The following THADA variants were observed in gnomAD, a reference collection of about 807,000 sequenced individuals.
The protein encoded by THADA is THADA armadillo repeat containing.
In THADA, 213 loss-of-function variants were observed where a neutral mutation model predicts 219.8. That is an observed-to-expected ratio of 0.97 (90% CI 0.87 to 1.09). The LOEUF is 1.09. Among genes scored for constraint, THADA ranks in the 50% least tolerant of loss-of-function variants. The pLI is 0.00. For synonymous variants in THADA, 1,018 were observed against 828.9 expected (o/e 1.23, Z -3.92); for missense variants, 2,956 against 2,311.3 (o/e 1.28, Z -5.72).
At chr2:43,346,900 G>A (rs1300819472) in intron 29 of THADA, among the ~76,000 whole-genome samples, 1 of 152,188 alleles carries the variant, frequency 6.6e-6, no homozygotes, top group African/African-American at 2.4e-5. Context: ...TGCACTGTAG[G>A]AATTCAACAA....
rs748989562 is a variant in THADA, at chr2:43,572,815, T to C, written c.1907A>G (p.Gln636Arg). 19 of 1,613,296 alleles carry C rather than the reference T, an allele frequency of 1.2e-5. No individual in the cohort carries two copies. Among genetic ancestry groups the C allele is most frequent in the Non-Finnish European group, 1.6e-5 (19 of 1,179,594 alleles). ...IKQGLIHQHC[Q>R]VRIDTLGLLC... The stretch of plus-strand genomic sequence containing the variant: ...ATCCAGGTAATTTTCTTTACTTACT[T>C]GGCAATGCTGATGAATTAAGCCTTG... Residue 636 changes from glutamine to arginine, a missense_variant and splice_region_variant, in exon 12 of 38, where the codon CAA becomes CGA. By Grantham distance (43) the Gln-to-Arg change is conservative (BLOSUM62 1). Transcript: ENST00000405975.
At chr2:43,265,403 A>G (rs1042629356) in intron 36 of THADA, among the ~76,000 whole-genome samples, 2 of 152,256 alleles carry the variant, frequency 1.3e-5, no homozygotes, top group Non-Finnish European at 2.9e-5. Context: ...GGTTAGAGAA[A>G]TAATAAAATT....
intron 29 of THADA, among the ~76,000 whole-genome samples, chr2:43,358,299 T>C (rs1346441336): frequency 6.6e-6 from 1 of 152,090 alleles, no homozygotes. Flanking sequence ...ACATACTAAT[T>C]ATTGGGACAG....
At chr2:43,568,917 C>A (rs2103988245) in intron 14 of THADA, among the ~76,000 whole-genome samples, 1 of 152,214 alleles carries the variant, frequency 6.6e-6, no homozygotes, top group Admixed American at 6.5e-5. Flanking sequence ...TTTTAACTAT[C>A]CTACACACAC....
chr2:43,418,253 G>C (rs192469977), intron 28 of THADA, among the ~76,000 whole-genome samples: 1 of 152,142 alleles, frequency 6.6e-6, no homozygotes, highest in African/African-American at 2.4e-5. Flanking sequence ...CCAAAGAAAG[G>C]AACAAGCACC....
chr2:43,588,509 G>C (rs547601285), intron 4 of THADA, among the ~76,000 whole-genome samples: 1 of 152,084 alleles, frequency 6.6e-6, no homozygotes, highest in Non-Finnish European at 1.5e-5. Flanking sequence ...ATGATCTATA[G>C]AGAAGTCTTA....
chr2:43,299,181 TTA>T (rs1558542830), intron 31 of THADA, among the ~76,000 whole-genome samples: 2 of 146,048 alleles, frequency 1.4e-5, no homozygotes, highest in Non-Finnish European at 3.0e-5. Context: ...ATGCAAATAT[TTA>T]AAAAAAAAAA....
chr2:43,441,468 G>A (rs897553686), intron 26 of THADA, among the ~76,000 whole-genome samples: 1 of 152,196 alleles, frequency 6.6e-6, no homozygotes, highest in African/African-American at 2.4e-5. Context: ...TTATAAAACA[G>A]ACTCTCAATA....
chr2:43,270,164 C>T (rs1671963048), intron 36 of THADA, among the ~76,000 whole-genome samples: 1 of 152,160 alleles, frequency 6.6e-6, no homozygotes, highest in African/African-American at 2.4e-5. Context: ...CTGTCCTGGG[C>T]CTCAGGAGTG....
At chr2:43,469,652 CTGA>C (rs1218818967) in intron 26 of THADA, among the ~76,000 whole-genome samples, 1 of 152,092 alleles carries the variant, frequency 6.6e-6, no homozygotes, top group Non-Finnish European at 1.5e-5. Flanking sequence ...ATTTTCGCTG[CTGA>C]TCATTTATCC....
At chr2:43,304,186 A>C (rs572624476) in intron 31 of THADA, among the ~76,000 whole-genome samples, 1 of 152,196 alleles carries the variant, frequency 6.6e-6, no homozygotes, top group Non-Finnish European at 1.5e-5. Context: ...AGACAGCCTG[A>C]TTGTCTTGTG....
At chr2:43,438,898 A>G (rs1256856735) in intron 26 of THADA, among the ~76,000 whole-genome samples, 1 of 152,248 alleles carries the variant, frequency 6.6e-6, no homozygotes, top group Non-Finnish European at 1.5e-5. Flanking sequence ...ATATTGTAAT[A>G]AAAGTTAAAT....
At chr2:43,233,214 G>T (rs963785506) in intron 36 of THADA, 4 of 260,144 alleles carry the variant, frequency 1.5e-5, no homozygotes, top group African/African-American at 8.5e-5. Flanking sequence ...TCCCTGTCCA[G>T]TGTCTCCTCT....
intron 26 of THADA, among the ~76,000 whole-genome samples, chr2:43,448,363 G>A (rs1165476124): frequency 6.6e-6 from 1 of 152,126 alleles, no homozygotes; most frequent in Non-Finnish European, 1.5e-5. Context: ...CTTACACAAA[G>A]CCTGTGGGAT....
chr2:43,398,463 C>A (rs1243277980), intron 28 of THADA, among the ~76,000 whole-genome samples: 1 of 152,002 alleles, frequency 6.6e-6, no homozygotes, highest in East Asian at 1.9e-4. Flanking sequence ...GCAAAAGCAC[C>A]ATGATAAGTG....
At chr2:43,295,146 A>C (rs1239860107) in intron 31 of THADA, among the ~76,000 whole-genome samples, 1 of 152,264 alleles carries the variant, frequency 6.6e-6, no homozygotes, top group East Asian at 1.9e-4. Context: ...CAGGAGGTTG[A>C]GGATGCAGTG....
rs1674940247 is a variant in THADA at position 43,293,106 on chromosome 2, G to T, written c.4546C>A (p.Leu1516Ile). ...AFKVPGLPQY[L>I]QSLTRLAIAA... ...ATGGCTAGTCTGGTGAGGCTCTGGAGGTACTGGGGCAGGCCTGGCACCTTG... is the reference window on the plus strand; with the variant it reads ...ATGGCTAGTCTGGTGAGGCTCTGGATGTACTGGGGCAGGCCTGGCACCTTG... The change falls in exon 32 of 38, where the codon CTC becomes ATC. Residue 1516 changes from leucine (L) to isoleucine (I), a missense_variant. By Grantham distance (5) the Leu-to-Ile change is conservative. Coordinates refer to ENST00000405975, the MANE Select transcript of THADA (RefSeq NM_022065.5). 6.2e-7 allele frequency: 1 copy of T among 1,614,010 alleles called. No individual in the cohort carries two copies. Among genetic ancestry groups the T allele is most frequent in the Non-Finnish European group, 8.5e-7 (1 of 1,179,898 alleles).
intron 29 of THADA, among the ~76,000 whole-genome samples, chr2:43,365,598 C>CACACACAT (rs1491046008): frequency 6.6e-6 from 1 of 151,508 alleles, no homozygotes; most frequent in Non-Finnish European, 1.5e-5. Context: ...CACACACACA[C>CACACACAT]GCACAAAATG....
chr2:43,434,419 G>T (rs967221886), intron 26 of THADA, among the ~76,000 whole-genome samples: 1 of 152,128 alleles, frequency 6.6e-6, no homozygotes, highest in Non-Finnish European at 1.5e-5. Flanking sequence ...CTGCCTTCGT[G>T]CCCAAATGCT....
Sources: gnomAD v4.1 joint callset for allele counts (sites outside exome capture counted in the v4.1 genomes callset) on GRCh38, gnomAD v4.1.1 for gene constraint, MANE v1.5 for transcripts, NCBI Gene and HGNC (gene_info 2026-07-23, HGNC 2026-07-21) for gene names.